Variants in CDK5RAP2 observed in about 807,000 individuals in gnomAD.
The protein encoded by CDK5RAP2 is CDK5 regulatory subunit associated protein 2.
A neutral mutation model predicts 232.9 loss-of-function variants in CDK5RAP2; 147 were observed. The ratio of observed to expected loss-of-function variants is 0.63; its 90% confidence interval spans 0.55 to 0.72. The LOEUF (loss-of-function observed/expected upper bound fraction) is 0.72. Ranked by LOEUF, CDK5RAP2 falls within the 30% of genes least tolerant of loss-of-function variation. The probability of loss-of-function intolerance (pLI) is 0.00; values close to 1 mark genes in which losing one functional copy is unlikely to be tolerated. For missense variants in CDK5RAP2, 2,195 were observed against 2,231.5 expected, an observed-to-expected ratio of 0.98 and a Z score of 0.33; for synonymous variants, 833 against 833.7, an observed-to-expected ratio of 1.00 and a Z score of 0.01.
At chr9:120,443,028 A>T (rs1340291172) in intron 23 of CDK5RAP2, among the ~76,000 whole-genome samples, 1 of 152,212 alleles carries the variant, frequency 6.6e-6, no homozygotes, top group Non-Finnish European at 1.5e-5. Flanking sequence ...GAATGAGAAC[A>T]TGAGTATTTG....
chr9:120,403,431 G>C lies in CDK5RAP2; in HGVS notation c.5042-360C>G, dbSNP rs1005648297. 3.1e-6 allele frequency: 1 copy of C among 322,322 alleles called. No homozygotes were observed. The highest frequency in any genetic ancestry group is 2.1e-5 in the African/African-American group (1 of 47,054). The allele number at this position is 322,322 out of a possible 1,614,324, so 20.0% of individuals were successfully genotyped here. A position where few individuals can be genotyped will look rare whatever the true frequency, so the allele number is the denominator to read the frequency against. ...AAGGTGCAACAGCAGAGTGATGAAGGGCCAGAGCCAGAAAAAACAATTATC... is the reference window on the plus strand; with the variant it reads ...AAGGTGCAACAGCAGAGTGATGAAGCGCCAGAGCCAGAAAAAACAATTATC... On this transcript the variant is annotated intron_variant, in intron 33 of 37. Coordinates refer to ENST00000349780, the MANE Select transcript of CDK5RAP2 (RefSeq NM_018249.6). This position sits in a 1 kb window ranked among gnomAD's most constrained non-coding sequence, Gnocchi z 4.2.
At chr9:120,444,418 G>C (rs1364791315) in intron 22 of CDK5RAP2, among the ~76,000 whole-genome samples, 2 of 152,228 alleles carry the variant, frequency 1.3e-5, no homozygotes, top group African/African-American at 4.8e-5. Context: ...GCCCACACCA[G>C]ATGGGGAGTT....
chr9:120,539,017 T>C, intron 6 of CDK5RAP2, 24 bp downstream of exon 6: 1 of 1,613,002 alleles, frequency 6.2e-7, no homozygotes, highest in Non-Finnish European at 8.5e-7. Flanking sequence ...AGAAATACAC[T>C]GCCCTCAGGA....
intron 3 of CDK5RAP2, among the ~76,000 whole-genome samples, chr9:120,559,255 G>A (rs1338072524): frequency 3.3e-5 from 5 of 152,080 alleles, no homozygotes; most frequent in African/African-American, 9.7e-5. Context: ...TTGGGAGGCC[G>A]AGGCGGGTGG....
At position 120,439,677 on chromosome 9, in the gene CDK5RAP2, A is replaced by AG; in HGVS notation, c.3443_3444insC (p.Gly1149TrpfsTer17). On this transcript the variant is annotated frameshift_variant, in exon 24 of 38. Transcript: ENST00000349780. LOFTEE classifies it high-confidence loss of function. The stretch of plus-strand genomic sequence containing the variant: ...AGCCATCCTGGGCCCCTTCTGTCCC[A>AG]CACAAAACTGTAATTATGGCCTCAC... 2 of 1,614,226 alleles carry AG rather than the reference A, an allele frequency of 1.2e-6. No homozygotes were observed. Among genetic ancestry groups the AG allele is most frequent in the Non-Finnish European group, 8.5e-7 (1 of 1,180,048 alleles).
chr9:120,542,700 C>A (rs1261089591), intron 5 of CDK5RAP2, among the ~76,000 whole-genome samples: 1 of 152,178 alleles, frequency 6.6e-6, no homozygotes, highest in African/African-American at 2.4e-5. Flanking sequence ...GGAGTCATGG[C>A]CCTTCCCTTT....
At chr9:120,469,841 C>T (rs779194454) in intron 17 of CDK5RAP2, among the ~76,000 whole-genome samples, 8 of 152,106 alleles carry the variant, frequency 5.3e-5, no homozygotes, top group Admixed American at 2.0e-4. Flanking sequence ...AACAGCCTGA[C>T]GGAAAAGTGG....
intron 14 of CDK5RAP2, among the ~76,000 whole-genome samples, chr9:120,479,104 G>C (rs548515230): frequency 6.6e-6 from 1 of 152,218 alleles, no homozygotes; most frequent in Admixed American, 6.5e-5. Context: ...GGGATGATTT[G>C]AGCATTGAAA....
intron 11 of CDK5RAP2, among the ~76,000 whole-genome samples, chr9:120,520,750 C>CATATCTCATGAGATATATCTCAG (rs138818474): frequency 2.2e-5 from 3 of 134,248 alleles, no homozygotes; most frequent in African/African-American, 8.3e-5. Flanking sequence ...TGTGATATCT[C>CATATCTCATGAGATATATCTCAG]ATATCTCATG....
intron 14 of CDK5RAP2, among the ~76,000 whole-genome samples, chr9:120,482,140 C>T (rs1160581730): frequency 6.6e-6 from 1 of 152,130 alleles, no homozygotes; most frequent in African/African-American, 2.4e-5. Context: ...AAGTATGTAA[C>T]TTCAAAGCCA....
chr9:120,462,872 T>G (rs1407611451), intron 18 of CDK5RAP2, among the ~76,000 whole-genome samples: 2 of 152,224 alleles, frequency 1.3e-5, no homozygotes, highest in African/African-American at 4.8e-5. Context: ...AAGCATTTAT[T>G]GAAGATATGC....
chr9:120,466,449 A>T (rs2037384524), intron 18 of CDK5RAP2, among the ~76,000 whole-genome samples: 1 of 152,254 alleles, frequency 6.6e-6, no homozygotes. Flanking sequence ...ACAATATGAT[A>T]AAAGACTCAA....
chr9:120,464,125 A>G (rs1311398477), intron 18 of CDK5RAP2, among the ~76,000 whole-genome samples: 1 of 152,094 alleles, frequency 6.6e-6, no homozygotes, highest in African/African-American at 2.4e-5. Context: ...TGCTTCTCAG[A>G]GTGTTCGACA....
At chr9:120,573,748 T>C (rs2042937062) in intron 1 of CDK5RAP2, among the ~76,000 whole-genome samples, 1 of 152,190 alleles carries the variant, frequency 6.6e-6, no homozygotes, top group African/African-American at 2.4e-5. Flanking sequence ...AAAATCATCA[T>C]TAGTAGGGAA....
intron 5 of CDK5RAP2, among the ~76,000 whole-genome samples, chr9:120,542,663 T>G (rs2041684567): frequency 6.6e-6 from 1 of 152,224 alleles, no homozygotes; most frequent in Non-Finnish European, 1.5e-5. Context: ...ACTAAAGTTC[T>G]AATACCAGAT....
Position 120,471,868 on chromosome 9 carries a change from G to T in CDK5RAP2, c.1738C>A (p.Leu580Met), listed in dbSNP as rs377601879. 6.2e-7 allele frequency: 1 copy of T among 1,613,996 alleles called. No individual in the cohort carries two copies. Residue 580 changes from leucine (L) to methionine (M), a missense_variant, in exon 16 of 38, where the codon CTG becomes ATG. Transcript: ENST00000349780. The part of the protein sequence containing the change: ...SLQESDSINN[L>M]QAELNKIFAL... ...AAAATCTTGTTTAACTCAGCCTGCA[G>T]GTTGTTGATACTTGGTAAAACAAGA...
At chr9:120,414,370 C>T (rs552793499) in intron 28 of CDK5RAP2, among the ~76,000 whole-genome samples, 2 of 152,186 alleles carry the variant, frequency 1.3e-5, no homozygotes, top group South Asian at 2.1e-4. Flanking sequence ...ACATGCTTTA[C>T]GGAATGAGGA....
chr9:120,474,740 G>T (rs760661350), intron 15 of CDK5RAP2, among the ~76,000 whole-genome samples: 2 of 152,196 alleles, frequency 1.3e-5, no homozygotes, highest in African/African-American at 2.4e-5. Context: ...AAAGTGAAAG[G>T]ATCAGCCACA....
At chr9:120,558,080 T>A (rs1208703046) in intron 3 of CDK5RAP2, among the ~76,000 whole-genome samples, 2 of 141,850 alleles carry the variant, frequency 1.4e-5, no homozygotes, top group African/African-American at 5.1e-5. Context: ...AATTCTTTTT[T>A]AAAAAATTTT....
Sources: allele counts gnomAD v4.1 joint callset (sites outside exome capture counted in the v4.1 genomes callset), GRCh38; gene constraint gnomAD v4.1.1; non-coding constraint Gnocchi (gnomAD v3.1); transcripts MANE v1.5; gene names NCBI Gene and HGNC (gene_info 2026-07-23, HGNC 2026-07-21).